Variants in ATRNL1 observed in about 807,000 individuals in gnomAD.
The protein encoded by ATRNL1 is attractin-like protein 1.
A neutral mutation model predicts 182.7 loss-of-function variants in ATRNL1; 95 were observed. The observed-to-expected ratio is 0.52, with a 90% CI of 0.44 to 0.62. The LOEUF is 0.62. Among genes scored for constraint, ATRNL1 ranks in the 20% least tolerant of loss-of-function variants. The pLI is 0.00. For missense variants in ATRNL1, 1,471 were observed against 1,679.5 expected (o/e 0.88, Z 2.17); for synonymous variants, 576 against 568.3 (o/e 1.01, Z -0.19).
At chr10:115,864,073 A>G (rs1372437618) in intron 28 of ATRNL1, among the ~76,000 whole-genome samples, 8 of 152,200 alleles carry the variant, frequency 5.3e-5, no homozygotes, top group Non-Finnish European at 1.2e-4. Flanking sequence ...AGCCCGGTCA[A>G]TATGATAAAA....
chr10:115,180,526 C>G (rs1226949405), intron 8 of ATRNL1, among the ~76,000 whole-genome samples: 3 of 151,658 alleles, frequency 2.0e-5, no homozygotes, highest in Non-Finnish European at 2.9e-5. Context: ...CCCACAGTAG[C>G]CATTTTGAGA....
chr10:115,588,505 A>T (rs1415884222), intron 26 of ATRNL1, among the ~76,000 whole-genome samples: 1 of 152,204 alleles, frequency 6.6e-6, no homozygotes, highest in Non-Finnish European at 1.5e-5. Context: ...ATGAATGCAG[A>T]GTTCTTTCTG....
intron 27 of ATRNL1, among the ~76,000 whole-genome samples, chr10:115,739,980 A>C (rs1489086225): frequency 6.6e-6 from 1 of 152,178 alleles, no homozygotes; most frequent in Non-Finnish European, 1.5e-5. Context: ...CCTCAATGGA[A>C]TAGCTGACTG....
chr10:115,628,353 T>C (rs1259983880), intron 26 of ATRNL1, among the ~76,000 whole-genome samples: 4 of 152,242 alleles, frequency 2.6e-5, no homozygotes, highest in East Asian at 3.9e-4. Context: ...TTTCATATGC[T>C]TCTTGGCCAT....
At chr10:115,289,813 G>GT (rs1172956938) in intron 15 of ATRNL1, among the ~76,000 whole-genome samples, 1 of 152,146 alleles carries the variant, frequency 6.6e-6, no homozygotes, top group Non-Finnish European at 1.5e-5. Flanking sequence ...AAGCCTGGTA[G>GT]TTTGATAGCT....
intron 25 of ATRNL1, among the ~76,000 whole-genome samples, chr10:115,527,466 G>A (rs1462527751): frequency 6.6e-6 from 1 of 151,546 alleles, no homozygotes; most frequent in East Asian, 1.9e-4. Flanking sequence ...TATTTGTTGT[G>A]TGATGGTTGA....
intron 10 of ATRNL1, among the ~76,000 whole-genome samples, chr10:115,261,172 A>G (rs1219533367): frequency 6.6e-6 from 1 of 152,186 alleles, no homozygotes; most frequent in Non-Finnish European, 1.5e-5. Context: ...ACGAGAAGCC[A>G]GAAGAGTGGA....
At chr10:115,327,166 A>G (rs1172070588) in intron 18 of ATRNL1, among the ~76,000 whole-genome samples, 1 of 151,852 alleles carries the variant, frequency 6.6e-6, no homozygotes, top group Non-Finnish European at 1.5e-5. Flanking sequence ...AATGGGAGAA[A>G]GTTTTCGCAA....
chr10:115,745,899 G>T (rs1196639191), intron 27 of ATRNL1, among the ~76,000 whole-genome samples: 37 of 152,146 alleles, frequency 2.4e-4, no homozygotes, highest in Admixed American at 2.2e-3. Context: ...TAGGGGTGGG[G>T]AATATGTAAT....
chr10:115,572,571 T>C (rs1222039307), intron 26 of ATRNL1, among the ~76,000 whole-genome samples: 3 of 152,038 alleles, frequency 2.0e-5, no homozygotes, highest in Non-Finnish European at 4.4e-5. Flanking sequence ...GTCAAGAGCA[T>C]CACTTGAGGT....
intron 27 of ATRNL1, among the ~76,000 whole-genome samples, chr10:115,836,693 C>T: frequency 6.6e-6 from 1 of 152,174 alleles, no homozygotes; most frequent in East Asian, 1.9e-4. Context: ...AGTATGACCT[C>T]TCACCTAATC....
chr10:115,632,183 A>G (rs1182927921), intron 26 of ATRNL1, among the ~76,000 whole-genome samples: 1 of 152,156 alleles, frequency 6.6e-6, no homozygotes, highest in African/African-American at 2.4e-5. Flanking sequence ...TATTTAGTCT[A>G]GGAACTAGGT....
At chr10:115,639,162 A>G (rs538199594) in intron 26 of ATRNL1, among the ~76,000 whole-genome samples, 1 of 152,284 alleles carries the variant, frequency 6.6e-6, no homozygotes, top group South Asian at 2.1e-4. Context: ...CAGAAACAAC[A>G]CACTACATAT....
intron 27 of ATRNL1, among the ~76,000 whole-genome samples, chr10:115,728,199 G>A (rs1342916158): frequency 1.3e-5 from 2 of 148,460 alleles, no homozygotes; most frequent in East Asian, 3.9e-4. Flanking sequence ...GGAGACTGAG[G>A]CAGAAGAATG....
chr10:115,900,293 A>G (rs907918809), intron 28 of ATRNL1, among the ~76,000 whole-genome samples: 1 of 149,310 alleles, frequency 6.7e-6, no homozygotes, highest in Non-Finnish European at 1.5e-5. Flanking sequence ...AGGTAATATC[A>G]TAAAACATTT....
At chr10:115,695,123 T>C (rs1273292857) in intron 26 of ATRNL1, among the ~76,000 whole-genome samples, 1 of 152,098 alleles carries the variant, frequency 6.6e-6, no homozygotes, top group Non-Finnish European at 1.5e-5. Context: ...ACTGACACAT[T>C]TTTTAAAAGA....
At chr10:115,541,459 T>G (rs1325283939) in intron 25 of ATRNL1, among the ~76,000 whole-genome samples, 1 of 152,140 alleles carries the variant, frequency 6.6e-6, no homozygotes, top group Non-Finnish European at 1.5e-5. Context: ...CACTAGAAAT[T>G]GATGTAATGG....
At chr10:115,520,465 C>A (rs151075280) in intron 25 of ATRNL1, among the ~76,000 whole-genome samples, 1 of 152,238 alleles carries the variant, frequency 6.6e-6, no homozygotes, top group East Asian at 1.9e-4. Flanking sequence ...GCAGACAAAG[C>A]CAATATGGAA....
intron 20 of ATRNL1, among the ~76,000 whole-genome samples, chr10:115,422,462 A>AGAAAT (rs1845691625): frequency 6.6e-6 from 1 of 152,206 alleles, no homozygotes. Flanking sequence ...TAACCATTAG[A>AGAAAT]GAAATGCAAA....
Sources: gnomAD v4.1 joint callset for allele counts (sites outside exome capture counted in the v4.1 genomes callset) on GRCh38, gnomAD v4.1.1 for gene constraint, MANE v1.5 for transcripts, NCBI Gene and HGNC (gene_info 2026-07-23, HGNC 2026-07-21) for gene names.